Variants in MARK3 observed in about 807,000 individuals in gnomAD.
MARK3 encodes the protein microtubule affinity regulating kinase 3.
MARK3 carries 46 observed loss-of-function variants against 90.1 expected under a neutral mutation model. The ratio of observed to expected loss-of-function variants is 0.51; its 90% CI spans 0.40 to 0.65. The LOEUF (loss-of-function observed/expected upper bound fraction) is 0.65, where lower values mean the gene tolerates loss of function less well. MARK3 is among the 30% of genes least tolerant of loss of function. The probability of loss-of-function intolerance (pLI) is 0.00; values close to 1 mark genes in which losing one functional copy is unlikely to be tolerated. For missense variants in MARK3, 818 were observed against 947.2 expected (o/e 0.86, Z 1.79); for synonymous variants, 321 against 332.6 (o/e 0.97, Z 0.38).
intron 17 of MARK3, among the ~76,000 whole-genome samples, chr14:103,500,618 G>T (rs914947459): frequency 6.6e-6 from 1 of 152,050 alleles, no homozygotes; most frequent in Non-Finnish European, 1.5e-5. Flanking sequence ...TTATATAGTT[G>T]AGTGTTTTGC....
intron 2 of MARK3, among the ~76,000 whole-genome samples, chr14:103,426,396 G>A (rs533640165): frequency 7.2e-5 from 11 of 152,078 alleles, no homozygotes; most frequent in African/African-American, 2.4e-4. Flanking sequence ...AAAAGTGTGA[G>A]AATGTTTGAT....
chr14:103,470,293 A>G (rs2093599437), intron 12 of MARK3, among the ~76,000 whole-genome samples: 1 of 151,876 alleles, frequency 6.6e-6, no homozygotes. Context: ...TAAGACTCCC[A>G]GTGGGTAGGC....
At chr14:103,483,616 T>C (rs1465796438) in intron 14 of MARK3, among the ~76,000 whole-genome samples, 1 of 152,260 alleles carries the variant, frequency 6.6e-6, no homozygotes, top group Non-Finnish European at 1.5e-5. Flanking sequence ...ACAATAAAGT[T>C]AATGACACAG....
chr14:103,472,249 A>T (rs2093639456), intron 12 of MARK3, among the ~76,000 whole-genome samples: 1 of 151,928 alleles, frequency 6.6e-6, no homozygotes, highest in Non-Finnish European at 1.5e-5. Context: ...AACTCCAGAA[A>T]TATTGAAAGA....
intron 2 of MARK3, among the ~76,000 whole-genome samples, chr14:103,420,859 T>C (rs1225072289): frequency 6.6e-6 from 1 of 152,198 alleles, no homozygotes; most frequent in African/African-American, 2.4e-5. Flanking sequence ...TTTTCAGTCT[T>C]TGTGCCGTAA....
chr14:103,465,938 T>G, intron 8 of MARK3, 34 bp from the exon 9 acceptor site: 1 of 1,600,462 alleles, frequency 6.2e-7, no homozygotes, highest in Non-Finnish European at 8.5e-7. Context: ...AAAGGTTGAC[T>G]TACTCGTTTT....
chr14:103,395,193 G>A (rs527907349), intron 1 of MARK3, among the ~76,000 whole-genome samples: 1 of 152,270 alleles, frequency 6.6e-6, no homozygotes, highest in Admixed American at 6.5e-5. Flanking sequence ...TGAAGAGGTA[G>A]AATGGACCTC....
chr14:103,458,809 CTTA>C (rs753844622), intron 6 of MARK3: 8 of 670,674 alleles, frequency 1.2e-5, no homozygotes, highest in Admixed American at 1.1e-4. Context: ...AGTGATAGGA[CTTA>C]TTAAGTTTCT....
intron 3 of MARK3, among the ~76,000 whole-genome samples, chr14:103,430,361 C>T (rs2092543669): frequency 6.7e-6 from 1 of 150,262 alleles, no homozygotes; most frequent in Admixed American, 6.7e-5. Context: ...GTATCTTATC[C>T]CCAGCCCCCC....
At chr14:103,467,284 A>C (rs572762365) in intron 11 of MARK3, 93 bp downstream of exon 11, 8 of 565,916 alleles carry the variant, frequency 1.4e-5, no homozygotes, top group Non-Finnish European at 2.5e-5. Flanking sequence ...AATATTTGTA[A>C]CATTTGATAC....
rs143220481 is a variant in MARK3 at position 103,395,527 on chromosome 14, T to G, written c.51+9447T>G. The stretch of plus-strand genomic sequence containing the variant: ...CTGTTCTGCTGCATAGTTGTCATCC[T>G]GAGATCTCCCTTCACCCATATCCTA... On this transcript the variant is annotated intron_variant, in intron 1 of 17. Coordinates refer to ENST00000429436, the MANE Select transcript of MARK3 (RefSeq NM_001128918.3). Among the ~76,000 whole-genome samples the G allele has an allele frequency of 2.6e-3, 402 of 152,326 alleles. 3 individuals carry two copies. The highest frequency in any genetic ancestry group is 9.3e-3 in the African/African-American group (386 of 41,566).
At chr14:103,427,004 G>T (rs1566823261) in intron 2 of MARK3, among the ~76,000 whole-genome samples, 1 of 151,984 alleles carries the variant, frequency 6.6e-6, no homozygotes, top group East Asian at 1.9e-4. Context: ...GTAAAGAAAA[G>T]ATTTGCTACA....
At chr14:103,402,588 A>G (rs2091030625) in intron 1 of MARK3, among the ~76,000 whole-genome samples, 1 of 152,162 alleles carries the variant, frequency 6.6e-6, no homozygotes. Flanking sequence ...TTTTACATTA[A>G]ATAGAAGGCA....
rs558928632 is a variant in MARK3 at position 103,412,129 on chromosome 14, C to T, written c.243+6862C>T. 1.2e-5 allele frequency: 15 copies of T among 1,302,494 alleles called. No homozygotes were observed. The East Asian group carries it at 1.7e-4, about 15-fold the overall frequency. The allele number at this position is 1,302,494 out of a possible 1,614,324, so 80.7% of individuals were successfully genotyped here. On this transcript the variant is annotated intron_variant, in intron 2 of 17. Coordinates refer to ENST00000429436, the MANE Select transcript of MARK3 (RefSeq NM_001128918.3). ...CTTTTCAAATATGCCTTAATATAGG[C>T]GCTGGGGCTTGCCCGTGGTGCTCTT...
At chr14:103,393,891 C>G (rs1420783517) in intron 1 of MARK3, among the ~76,000 whole-genome samples, 3 of 152,082 alleles carry the variant, frequency 2.0e-5, no homozygotes, top group African/African-American at 7.2e-5. Context: ...CACCACCATG[C>G]CCAGCTAATT....
chr14:103,448,095 G>A (rs2093040622), intron 3 of MARK3, among the ~76,000 whole-genome samples: 2 of 152,126 alleles, frequency 1.3e-5, no homozygotes, highest in African/African-American at 4.8e-5. Context: ...GGTCTCACCT[G>A]GGTTCACTTG....
intron 2 of MARK3, among the ~76,000 whole-genome samples, chr14:103,417,912 C>CA (rs1220120417): frequency 1.3e-5 from 2 of 151,806 alleles, no homozygotes; most frequent in African/African-American, 4.8e-5. Context: ...ACTAAAAATC[C>CA]AAAAAAATTA....
chr14:103,500,258 C>A, intron 17 of MARK3, 58 bp downstream of exon 17: 1 of 1,259,136 alleles, frequency 7.9e-7, no homozygotes, highest in Non-Finnish European at 1.1e-6. Context: ...ATTTCTGTGG[C>A]AGAGGCGACT....
At chr14:103,454,053 G>A (rs746044911) in intron 5 of MARK3, among the ~76,000 whole-genome samples, 11 of 152,324 alleles carry the variant, frequency 7.2e-5, no homozygotes, top group African/African-American at 9.6e-5. Context: ...AGTAGAAAGA[G>A]GATGGGCTCT....
Sources: allele counts gnomAD v4.1 joint callset (sites outside exome capture counted in the v4.1 genomes callset), GRCh38; gene constraint gnomAD v4.1.1; transcripts MANE v1.5; gene names NCBI Gene and HGNC (gene_info 2026-07-23, HGNC 2026-07-21).